SUGCT: variants seen among roughly 807,000 people sequenced by gnomAD.
The protein encoded by SUGCT is succinyl-CoA:glutarate CoA-transferase.
A neutral mutation model predicts 55.0 loss-of-function variants in SUGCT; 41 were observed. The observed-to-expected ratio is 0.74, with a 90% CI of 0.58 to 0.97. The LOEUF (loss-of-function observed/expected upper bound fraction) is 0.97, where lower values mean the gene tolerates loss of function less well. Among genes scored for constraint, SUGCT ranks in the 50% least tolerant of loss-of-function variants. The pLI is 0.00. For synonymous variants in SUGCT, 187 were observed against 200.4 expected (o/e 0.93, Z 0.56); for missense variants, 568 against 547.8 (o/e 1.04, Z -0.37).
chr7:40,806,769 A>T (rs557179332), intron 13 of SUGCT, among the ~76,000 whole-genome samples: 1 of 152,162 alleles, frequency 6.6e-6, no homozygotes, highest in Non-Finnish European at 1.5e-5. Flanking sequence ...AAATGCTGGG[A>T]TCGGAACCTT....
At chr7:40,837,815 T>C (rs1369339488) in intron 13 of SUGCT, among the ~76,000 whole-genome samples, 2 of 152,152 alleles carry the variant, frequency 1.3e-5, no homozygotes, top group South Asian at 2.1e-4. Flanking sequence ...GGTTTCACCA[T>C]GTTGGCCAGG....
chr7:40,775,729 A>G (rs1208930162), intron 13 of SUGCT: 1 of 152,196 alleles, frequency 6.6e-6, no homozygotes, highest in Non-Finnish European at 1.5e-5. Flanking sequence ...TTATTTCTGC[A>G]TCTTATCTCC....
intron 9 of SUGCT, among the ~76,000 whole-genome samples, chr7:40,356,828 GAAAGAACAACTGAAC>G (rs1446938779): frequency 2.6e-5 from 4 of 152,186 alleles, no homozygotes; most frequent in Non-Finnish European, 5.9e-5. Context: ...CTGACTCCTT[GAAAGAACAACTGAAC>G]AGTATCCATC....
intron 6 of SUGCT, among the ~76,000 whole-genome samples, chr7:40,219,315 G>A (rs1373751725): frequency 1.3e-5 from 2 of 152,184 alleles, no homozygotes; most frequent in Admixed American, 1.3e-4. Flanking sequence ...CTTGAAGTCA[G>A]TGAGACCAAG....
At chr7:40,800,650 G>A (rs901330527) in intron 13 of SUGCT, among the ~76,000 whole-genome samples, 7 of 151,984 alleles carry the variant, frequency 4.6e-5, no homozygotes, top group Admixed American at 1.3e-4. Flanking sequence ...GAAGATTCCT[G>A]TTATTTTCTG....
rs968865546 is a variant in SUGCT at position 40,445,342 on chromosome 7, A to G, written c.817-3945A>G. Among the ~76,000 whole-genome samples, 14 of 152,188 alleles carry G rather than the reference A, an allele frequency of 9.2e-5. 1 individual carries two copies. Among genetic ancestry groups the G allele is most frequent in the Non-Finnish European group, 1.8e-4 (12 of 68,034 alleles). ...TCACCACTGATCCCACAGAAATACAAACTACCATCAGAGAATACTATAAAC... is the reference window on the plus strand; with the variant it reads ...TCACCACTGATCCCACAGAAATACAGACTACCATCAGAGAATACTATAAAC... On this transcript the variant is annotated intron_variant, in intron 9 of 13. Transcript: ENST00000335693.
At chr7:40,380,801 A>G (rs915077603) in intron 9 of SUGCT, among the ~76,000 whole-genome samples, 2 of 152,166 alleles carry the variant, frequency 1.3e-5, no homozygotes, top group Admixed American at 6.5e-5. Flanking sequence ...TGCTGCCTGT[A>G]TATTTTCCTT....
chr7:40,359,636 C>T (rs565652894), intron 9 of SUGCT, among the ~76,000 whole-genome samples: 3 of 152,212 alleles, frequency 2.0e-5, no homozygotes, highest in African/African-American at 4.8e-5. Flanking sequence ...ATAAAGAGAA[C>T]GATTGTCAAA....
chr7:40,273,522 A>T (rs897971224), intron 7 of SUGCT, among the ~76,000 whole-genome samples: 4 of 152,178 alleles, frequency 2.6e-5, no homozygotes, highest in African/African-American at 4.8e-5. Flanking sequence ...ACTAATAACA[A>T]TGTTGATAAT....
chr7:40,586,621 G>A (rs1797394968), intron 12 of SUGCT, among the ~76,000 whole-genome samples: 1 of 152,190 alleles, frequency 6.6e-6, no homozygotes, highest in African/African-American at 2.4e-5. Context: ...AAGACTGGAA[G>A]TAGAGCAGAG....
At chr7:40,815,354 T>C (rs1563022119) in intron 13 of SUGCT, among the ~76,000 whole-genome samples, 1 of 152,204 alleles carries the variant, frequency 6.6e-6, no homozygotes, top group African/African-American at 2.4e-5. Context: ...TATGTGGGAC[T>C]GAGGGGTAGT....
intron 13 of SUGCT, among the ~76,000 whole-genome samples, chr7:40,858,755 T>C (rs1794332623): frequency 6.6e-6 from 1 of 152,190 alleles, no homozygotes. Context: ...GAAAAGGTAG[T>C]CATGCACTGG....
intron 12 of SUGCT, among the ~76,000 whole-genome samples, chr7:40,515,341 G>A (rs1470906461): frequency 1.3e-5 from 2 of 152,154 alleles, no homozygotes; most frequent in Non-Finnish European, 2.9e-5. Flanking sequence ...TTCACATACT[G>A]TAAAATTACC....
chr7:40,909,460 T>G, the SUGCT span, among the ~76,000 whole-genome samples: 9 of 152,288 alleles, frequency 5.9e-5, no homozygotes, highest in East Asian at 1.5e-3. Context: ...CCTGAAGGTG[T>G]TGTATTTTCT....
At chr7:40,723,535 C>G (rs940398956) in intron 12 of SUGCT, among the ~76,000 whole-genome samples, 1 of 152,136 alleles carries the variant, frequency 6.6e-6, no homozygotes, top group Non-Finnish European at 1.5e-5. Flanking sequence ...AATATTCTGT[C>G]TCCTTGAAGT....
intron 1 of SUGCT, among the ~76,000 whole-genome samples, chr7:40,169,310 G>C (rs1262602210): frequency 3.3e-5 from 5 of 152,096 alleles, no homozygotes; most frequent in African/African-American, 1.2e-4. Flanking sequence ...GCCTGTCCTA[G>C]GACCCCTAGG....
intron 12 of SUGCT, among the ~76,000 whole-genome samples, chr7:40,573,231 A>C (rs1329160978): frequency 4.6e-5 from 7 of 152,108 alleles, no homozygotes; most frequent in Non-Finnish European, 8.8e-5. Context: ...CAATACAGCA[A>C]ATCTGTTACT....
intron 11 of SUGCT, among the ~76,000 whole-genome samples, chr7:40,467,208 A>AAG (rs1562797985): frequency 6.7e-6 from 1 of 148,908 alleles, no homozygotes; most frequent in East Asian, 1.9e-4. Flanking sequence ...GAAAAAGAAA[A>AAG]AAAAAAAAAA....
At chr7:40,287,626 G>A (rs1324869243) in intron 8 of SUGCT, among the ~76,000 whole-genome samples, 1 of 151,938 alleles carries the variant, frequency 6.6e-6, no homozygotes, top group East Asian at 1.9e-4. Flanking sequence ...CCCCCTGAGT[G>A]GCTTGGACTA....
Sources: gnomAD v4.1 joint callset for allele counts (sites outside exome capture counted in the v4.1 genomes callset) on GRCh38, gnomAD v4.1.1 for gene constraint, MANE v1.5 for transcripts, NCBI Gene and HGNC (gene_info 2026-07-23, HGNC 2026-07-21) for gene names.